Variants in SEC61B observed in about 807,000 individuals in gnomAD.
SEC61B encodes protein transport protein Sec61 subunit beta.
Under a neutral mutation model 12.6 loss-of-function variants are expected in SEC61B, and 7 were observed. The ratio of observed to expected loss-of-function variants is 0.55; its 90% CI spans 0.32 to 1.04. The LOEUF is 1.04. Among genes scored for constraint, SEC61B ranks in the 50% least tolerant of loss-of-function variants. SEC61B has a pLI of 0.05. For synonymous variants in SEC61B, 54 were observed against 50.1 expected, an observed-to-expected ratio of 1.08 and a Z score of -0.33; for missense variants, 107 against 130.1, an observed-to-expected ratio of 0.82 and a Z score of 0.86.
At chr9:99,226,299 C>T (rs970020538) in intron 2 of SEC61B, among the ~76,000 whole-genome samples, 2 of 152,152 alleles carry the variant, frequency 1.3e-5, no homozygotes, top group African/African-American at 4.8e-5. Context: ...GCAGGCTCCC[C>T]GTGCTGTAGA....
chr9:99,223,672 G>T (rs1257587603), intron 2 of SEC61B, among the ~76,000 whole-genome samples: 1 of 152,220 alleles, frequency 6.6e-6, no homozygotes, highest in Non-Finnish European at 1.5e-5. Flanking sequence ...AATTACAGGC[G>T]TGAGCCACTG....
chr9:99,227,253 G>A (rs923432340), intron 2 of SEC61B, among the ~76,000 whole-genome samples: 7 of 94,408 alleles, frequency 7.4e-5, no homozygotes, highest in South Asian at 3.7e-4. Context: ...GCAACAGAGC[G>A]AAACTCCATC....
intron 2 of SEC61B, among the ~76,000 whole-genome samples, chr9:99,223,413 G>A (rs1394700181): frequency 6.7e-6 from 1 of 148,738 alleles, no homozygotes; most frequent in East Asian, 1.9e-4. Context: ...TTTTTTTTTG[G>A]GATGGAATCT....
chr9:99,222,642 A>G lies in SEC61B; in HGVS notation c.100A>G (p.Arg34Gly). 6.5e-7 allele frequency: 1 copy of G among 1,540,726 alleles called. No homozygotes were observed. Among genetic ancestry groups the G allele is most frequent in the Non-Finnish European group, 8.8e-7 (1 of 1,142,286 alleles). Residue 34 changes from arginine (R) to glycine (G), a missense_variant and splice_region_variant, in exon 2 of 4, where the codon AGG becomes GGG. Physicochemically the swap from Arg to Gly is moderately radical, Grantham distance 125 (BLOSUM62 -2). Coordinates refer to ENST00000223641, the MANE Select transcript of SEC61B (RefSeq NM_006808.3). ...ARAAGSTVRQ[R>G]KNASCGTRSA... ...GGCGGCGGGATCCACTGTCCGGCAG[A>G]GGTAAGGAACCCTGCAGTTCGTTCG... is the stretch of plus-strand genomic sequence containing the variant.
intron 1 of SEC61B, 81 bp from the exon 2 acceptor site, chr9:99,222,465 C>T: frequency 6.2e-7 from 1 of 1,605,152 alleles, no homozygotes; most frequent in Non-Finnish European, 8.5e-7. Context: ...CTTCCCCCAG[C>T]CTCGGGTGTG....
In SEC61B at chr9:99,222,634, T is replaced by C. The variant is rs1280056921; in HGVS notation, c.92T>C (p.Val31Ala). 1 of 1,545,320 alleles carries C rather than the reference T, an allele frequency of 6.5e-7. No individual in the cohort carries two copies. Among genetic ancestry groups the C allele is most frequent in the Admixed American group, 2.0e-5 (1 of 50,360 alleles). Residue 31 changes from valine to alanine, a missense_variant, in exon 2 of 4, where the codon GTC (valine) becomes GCC (alanine). Coordinates refer to ENST00000223641, the MANE Select transcript of SEC61B (RefSeq NM_006808.3). ...AVAARAAGST[V>A]RQRKNASCGT... ...GCCGCCCGGGCGGCGGGATCCACTG[T>C]CCGGCAGAGGTAAGGAACCCTGCAG... is the stretch of plus-strand genomic sequence containing the variant.
intron 1 of SEC61B, 42 bp from the exon 2 acceptor site, chr9:99,222,504 C>CCTGCCGCGCTCACCCGTCTGT (rs767440108): frequency 2.6e-5 from 41 of 1,602,794 alleles, no homozygotes; most frequent in Non-Finnish European, 3.0e-5. Context: ...CTGGGGCAGG[C>CCTGCCGCGCTCACCCGTCTGT]CTGCCGCGCT....
intron 3 of SEC61B, among the ~76,000 whole-genome samples, chr9:99,229,508 A>G (rs1828935718): frequency 6.6e-6 from 1 of 152,090 alleles, no homozygotes; most frequent in African/African-American, 2.4e-5. Context: ...GCGCACTACC[A>G]TGCCTGGCTA....
At position 99,222,300 on chromosome 9, in the gene SEC61B, T is replaced by C; in HGVS notation, c.-64T>C. The C allele has an allele frequency of 6.2e-7, 1 of 1,613,414 alleles. No homozygotes were observed. ...CTGAGTCAGTCTCGCCAGCTGCCGGTCTTTCGGGGGCTCCGTAACTTTCTA... is the reference window on the plus strand; with the variant it reads ...CTGAGTCAGTCTCGCCAGCTGCCGGCCTTTCGGGGGCTCCGTAACTTTCTA... On this transcript the variant is annotated 5_prime_UTR_variant, in exon 1 of 4. Transcript: ENST00000223641.
intron 2 of SEC61B, among the ~76,000 whole-genome samples, chr9:99,223,384 A>G (rs182137243): frequency 2.6e-4 from 39 of 149,080 alleles, no homozygotes; most frequent in Non-Finnish European, 5.0e-4. Flanking sequence ...ATTTCAGCCT[A>G]ACCTTTCTTT....
At chr9:99,229,835 C>T (rs985964059) in intron 3 of SEC61B, among the ~76,000 whole-genome samples, 2 of 152,088 alleles carry the variant, frequency 1.3e-5, no homozygotes, top group African/African-American at 4.8e-5. Flanking sequence ...GTGTTATAAA[C>T]AGTCCAATTA....
intron 2 of SEC61B, among the ~76,000 whole-genome samples, chr9:99,227,494 A>C (rs139436240): frequency 6.6e-6 from 1 of 152,198 alleles, no homozygotes; most frequent in East Asian, 1.9e-4. Flanking sequence ...ATTTGGCTTC[A>C]TGAAAGATGC....
chr9:99,222,405 G>C (rs748102959), intron 1 of SEC61B, 39 bp downstream of exon 1: 1 of 1,614,062 alleles, frequency 6.2e-7, no homozygotes, highest in South Asian at 1.1e-5. Context: ...TCTCCCAGAA[G>C]CCCTGACTCC....
rs181397174 is a variant in SEC61B, at chr9:99,229,738, A to T, written c.204-599A>T. On this transcript the variant is annotated intron_variant, in intron 3 of 3. Coordinates refer to ENST00000223641, the MANE Select transcript of SEC61B (RefSeq NM_006808.3). ...ATACAGGTGTATATATTTATGGGTTATATGAGATGTTTTGATACAGGCATA... is the reference window on the plus strand; with the variant it reads ...ATACAGGTGTATATATTTATGGGTTTTATGAGATGTTTTGATACAGGCATA... 3.1e-3 allele frequency among the ~76,000 whole-genome samples: 475 copies of T among 152,310 alleles called. 16 individuals are homozygous for T. Among genetic ancestry groups the T allele is most frequent in the Admixed American group, 0.031 (468 of 15,304 alleles).
intron 2 of SEC61B, 146 bp downstream of exon 2, chr9:99,222,789 C>T (rs1828846008): frequency 5.0e-6 from 3 of 596,460 alleles, no homozygotes; most frequent in East Asian, 3.0e-5. Context: ...AGTTAAAGGC[C>T]TTTTGGGAGG....
Position 99,222,401 on chromosome 9 carries a change from A to G in SEC61B, c.3+35A>G, listed in dbSNP as rs552765482. The G allele has an allele frequency of 3.1e-6, 5 of 1,614,048 alleles. No individual in the cohort carries two copies. In the South Asian group the frequency reaches 4.4e-5, roughly 14 times the overall value. The stretch of plus-strand genomic sequence containing the variant: ...CCCTTCCATGATCCCCGCCTCTCCC[A>G]GAAGCCCTGACTCCTCCTGCTTTGC... On this transcript the variant is annotated intron_variant, in intron 1 of 3. Coordinates refer to ENST00000223641, the MANE Select transcript of SEC61B (RefSeq NM_006808.3).
intron 2 of SEC61B, among the ~76,000 whole-genome samples, chr9:99,226,518 A>G (rs1443877662): frequency 2.0e-5 from 3 of 152,152 alleles, no homozygotes; most frequent in African/African-American, 7.2e-5. Context: ...GTATACTGGG[A>G]TTTGATGCTG....
At chr9:99,223,345 C>A (rs992986362) in intron 2 of SEC61B, among the ~76,000 whole-genome samples, 37 of 149,202 alleles carry the variant, frequency 2.5e-4, no homozygotes, top group African/African-American at 8.3e-4. Context: ...AAAAAAAAAA[C>A]CGGGGGGATA....
chr9:99,230,338 G>T lies in SEC61B; in HGVS notation c.205G>T (p.Gly69Cys). The change falls in exon 4 of 4, where the codon GGC (glycine) becomes TGC (cysteine). Residue 69 changes from glycine (G) to cysteine (C), a missense_variant and splice_region_variant. By Grantham distance (159) the Gly-to-Cys change is radical (BLOSUM62 -3). Transcript: ENST00000223641. ...YTEDSPGLKV[G>C]PVPVLVMSLL... ...CATGCTTTCTCTTCTTATTTCTAGT[G>T]GCCCTGTTCCAGTATTGGTTATGAG... is the stretch of plus-strand genomic sequence containing the variant. 6.3e-7 allele frequency: 1 copy of T among 1,587,362 alleles called. No homozygotes were observed. Among genetic ancestry groups the T allele is most frequent in the South Asian group, 1.1e-5 (1 of 88,654 alleles).
Sources: allele counts gnomAD v4.1 joint callset (sites outside exome capture counted in the v4.1 genomes callset), GRCh38; gene constraint gnomAD v4.1.1; transcripts MANE v1.5; gene names NCBI Gene and HGNC (gene_info 2026-07-23, HGNC 2026-07-21).